NMU: variants seen among roughly 807,000 people sequenced by gnomAD.
NMU encodes the protein neuromedin-U.
NMU carries 29 observed loss-of-function variants against 35.4 expected under a neutral mutation model. The ratio of observed to expected loss-of-function variants is 0.82; its 90% CI spans 0.61 to 1.12. The LOEUF (loss-of-function observed/expected upper bound fraction) is 1.12. Ranked by LOEUF, NMU falls within the 50% of genes most tolerant of loss-of-function variation. The pLI is 0.00. For missense variants in NMU, 199 were observed against 206.2 expected (o/e 0.97, Z 0.21); for synonymous variants, 78 against 81.3 (o/e 0.96, Z 0.22).
intron 1 of NMU, among the ~76,000 whole-genome samples, chr4:55,635,488 C>G (rs1467860926): frequency 1.3e-5 from 2 of 152,176 alleles, no homozygotes; most frequent in Non-Finnish European, 2.9e-5. Context: ...TATTCCTTTT[C>G]CTGATCTAGT....
At chr4:55,609,326 C>T (rs148618592) in intron 3 of NMU, 147 bp from the exon 4 acceptor site, 8,903 of 673,000 alleles carry the variant, frequency 0.013, 74 homozygotes, top group Non-Finnish European at 0.018. Flanking sequence ...TGTTGGAATC[C>T]TTTGATTTCT....
chr4:55,606,686 T>C (rs569516333), intron 6 of NMU, among the ~76,000 whole-genome samples: 10 of 144,568 alleles, frequency 6.9e-5, no homozygotes, highest in African/African-American at 2.5e-4. Context: ...CTTTTCTTTT[T>C]TTTTTTTTTG....
chr4:55,625,904 C>T (rs1003741083), intron 2 of NMU, among the ~76,000 whole-genome samples: 2 of 151,928 alleles, frequency 1.3e-5, no homozygotes, highest in African/African-American at 4.8e-5. Context: ...CCTATCCACT[C>T]CCCAGTGACA....
At chr4:55,627,799 T>C (rs1390406920) in intron 2 of NMU, among the ~76,000 whole-genome samples, 1 of 152,214 alleles carries the variant, frequency 6.6e-6, no homozygotes, top group Non-Finnish European at 1.5e-5. Flanking sequence ...ATTGCAGTTA[T>C]AGACTAGAAG....
chr4:55,619,116 G>A lies in NMU; in HGVS notation c.172-2731C>T, dbSNP rs1011536243. Among the ~76,000 whole-genome samples, 3 of 152,042 alleles carry A rather than the reference G, an allele frequency of 2.0e-5. No homozygotes were observed. In the East Asian group the frequency reaches 5.8e-4, roughly 29 times the overall value. ...ACTTCTGAGCTCAAGTGATCCTCCT[G>A]CTGCCTCGGCCTGTCAAAGAACTGA... On this transcript the variant is annotated intron_variant, in intron 2 of 9. Coordinates refer to ENST00000264218, the MANE Select transcript of NMU (RefSeq NM_006681.4).
At chr4:55,618,328 C>T (rs1403432052) in intron 2 of NMU, among the ~76,000 whole-genome samples, 3 of 152,058 alleles carry the variant, frequency 2.0e-5, no homozygotes, top group Non-Finnish European at 4.4e-5. Flanking sequence ...GTTTTAAGCC[C>T]CGCATGCATT....
At chr4:55,636,379 C>T (rs1277087274), upstream of NMU, 4 of 868,688 alleles carry the variant, frequency 4.6e-6, no homozygotes, top group Non-Finnish European at 6.3e-6. The surrounding 1 kb of genome is among the most constrained non-coding windows in gnomAD (Gnocchi z 4.0). Flanking sequence ...CGTCACCTCG[C>T]CGCCTGCCGC....
Position 55,636,268 on chromosome 4 carries a change from T to C in NMU, c.-76A>G. On this transcript the variant is annotated 5_prime_UTR_variant, in exon 1 of 10. Transcript: ENST00000264218. This position sits in a 1 kb window ranked among gnomAD's most constrained non-coding sequence, Gnocchi z 4.0. ...GTAGCTGGTGCTCCACCTGGTGCCCTGGCTGTGCCTCGGGGCCCGGACACA... is the reference window on the plus strand; with the variant it reads ...GTAGCTGGTGCTCCACCTGGTGCCCCGGCTGTGCCTCGGGGCCCGGACACA... The C allele has an allele frequency of 7.1e-6, 10 of 1,402,340 alleles. No homozygotes were observed. The highest frequency in any genetic ancestry group is 7.4e-6 in the Non-Finnish European group (8 of 1,088,290). The allele number at this position is 1,402,340 out of a possible 1,614,324, so 86.9% of individuals were successfully genotyped here.
intron 2 of NMU, among the ~76,000 whole-genome samples, chr4:55,626,091 A>T (rs567949197): frequency 3.9e-5 from 6 of 152,292 alleles, no homozygotes; most frequent in African/African-American, 1.4e-4. Context: ...ACCAGTTGGC[A>T]GTCTGCCCAG....
At chr4:55,634,282 A>G (rs1478841478) in intron 1 of NMU, among the ~76,000 whole-genome samples, 1 of 152,094 alleles carries the variant, frequency 6.6e-6, no homozygotes, top group African/African-American at 2.4e-5. Flanking sequence ...ACATTTTTAA[A>G]GAGATAAAAT....
At chr4:55,612,478 G>T (rs768075543) in intron 3 of NMU, among the ~76,000 whole-genome samples, 1 of 152,126 alleles carries the variant, frequency 6.6e-6, no homozygotes, top group African/African-American at 2.4e-5. Flanking sequence ...AATACCCAGT[G>T]ATGTCATGTG....
chr4:55,610,801 C>T lies in NMU; in HGVS notation c.220-1622G>A, dbSNP rs188608179. Among the ~76,000 whole-genome samples the T allele has an allele frequency of 2.0e-5, 3 of 152,272 alleles. No homozygotes were observed. The East Asian group carries it at 5.8e-4, about 29-fold the overall frequency. On this transcript the variant is annotated intron_variant, in intron 3 of 9. Transcript: ENST00000264218. The stretch of plus-strand genomic sequence containing the variant: ...ATGAGTCAATGATAGAATGCGTATA[C>T]AATGATGGTCACATAAGATTATTAT...
At chr4:55,619,730 A>G (rs1269149232) in intron 2 of NMU, among the ~76,000 whole-genome samples, 1 of 141,114 alleles carries the variant, frequency 7.1e-6, no homozygotes, top group Non-Finnish European at 1.5e-5. Context: ...ACAAACAAAA[A>G]GACAGCAGTA....
At chr4:55,617,553 G>A (rs1157221105) in intron 2 of NMU, among the ~76,000 whole-genome samples, 11 of 151,896 alleles carry the variant, frequency 7.2e-5, no homozygotes, top group African/African-American at 7.3e-5. Flanking sequence ...GGTAGGGGCC[G>A]TGTTATCGCT....
At chr4:55,625,962 T>A (rs1434953051) in intron 2 of NMU, among the ~76,000 whole-genome samples, 1 of 152,110 alleles carries the variant, frequency 6.6e-6, no homozygotes, top group African/African-American at 2.4e-5. Flanking sequence ...AAAGCTATAA[T>A]CAACCTCCTT....
chr4:55,632,610 A>C (rs1715659531), intron 1 of NMU, among the ~76,000 whole-genome samples: 1 of 152,188 alleles, frequency 6.6e-6, no homozygotes, highest in Non-Finnish European at 1.5e-5. Context: ...CCCTGAGCTC[A>C]TTGTTTTCAG....
At chr4:55,611,699 C>T (rs962503346) in intron 3 of NMU, among the ~76,000 whole-genome samples, 5 of 152,158 alleles carry the variant, frequency 3.3e-5, no homozygotes, top group Admixed American at 6.5e-5. Flanking sequence ...CAACTGCCCA[C>T]AATATTCAGT....
Position 55,634,276 on chromosome 4 carries a change from T to TTTTA in NMU, c.112+1801_112+1804dup, listed in dbSNP as rs538841229. Among the ~76,000 whole-genome samples, 224 of 152,252 alleles carry TTTTA rather than the reference T, an allele frequency of 1.5e-3. 1 individual carries two copies. Among genetic ancestry groups the TTTTA allele is most frequent in the African/African-American group, 5.2e-3 (215 of 41,540 alleles). ...TCACCCTCTGCCCTTCCTACCACAT[T>TTTTA]TTTAAAGAGATAAAATTAGTTTTTT... On this transcript the variant is annotated intron_variant, in intron 1 of 9. Transcript: ENST00000264218.
intron 3 of NMU, among the ~76,000 whole-genome samples, chr4:55,613,919 C>T (rs1237011858): frequency 6.6e-6 from 1 of 151,980 alleles, no homozygotes; most frequent in Non-Finnish European, 1.5e-5. Context: ...AGAAGTAAGC[C>T]CATAAAATGA....
Sources: allele counts gnomAD v4.1 joint callset (sites outside exome capture counted in the v4.1 genomes callset), GRCh38; gene constraint gnomAD v4.1.1; non-coding constraint Gnocchi (gnomAD v3.1); transcripts MANE v1.5; gene names NCBI Gene and HGNC (gene_info 2026-07-23, HGNC 2026-07-21).